EYA2: variants seen among roughly 807,000 people sequenced by gnomAD.
EYA2 encodes the protein protein phosphatase EYA2.
In EYA2, 31 loss-of-function variants were observed where a neutral mutation model predicts 69.2. That is an observed-to-expected ratio of 0.45 (90% CI 0.34 to 0.60). The LOEUF (loss-of-function observed/expected upper bound fraction) is 0.60, where lower values mean the gene tolerates loss of function less well. EYA2 is among the 20% of genes least tolerant of loss of function. EYA2 has a pLI of 0.02. For synonymous variants in EYA2, 257 were observed against 279.4 expected (o/e 0.92, Z 0.80); for missense variants, 622 against 701.2 (o/e 0.89, Z 1.28).
Position 47,117,369 on chromosome 20 carries a change from A to T in EYA2, c.888+20201A>T, listed in dbSNP as rs891999007. The T allele has an allele frequency of 5.9e-5, 58 of 985,242 alleles. No individual in the cohort carries two copies. In the South Asian group the frequency reaches 1.2e-3, roughly 20 times the overall value. 61.0% of individuals were successfully genotyped at this position (985,242 alleles called of 1,614,324 possible). On this transcript the variant is annotated intron_variant, in intron 9 of 15. Transcript: ENST00000327619. ...CTTTCACACATTCATCTGTGAGGTGAGATGGAGCCCCGAATTCACCTGGTG... is the reference window on the plus strand; with the variant it reads ...CTTTCACACATTCATCTGTGAGGTGTGATGGAGCCCCGAATTCACCTGGTG...
At chr20:47,156,175 TA>T (rs2033945292) in intron 10 of EYA2, among the ~76,000 whole-genome samples, 1 of 82,728 alleles carries the variant, frequency 1.2e-5, no homozygotes, top group East Asian at 4.5e-4. Context: ...TATATATATA[TA>T]TATATATATT....
chr20:47,124,484 A>T (rs148863243), intron 9 of EYA2, among the ~76,000 whole-genome samples: 2 of 152,324 alleles, frequency 1.3e-5, no homozygotes, highest in Admixed American at 1.3e-4. Flanking sequence ...ATAAGCAGAA[A>T]GCACGTGGTG....
At chr20:46,998,944 G>A (rs1982195905) in intron 2 of EYA2, among the ~76,000 whole-genome samples, 1 of 152,210 alleles carries the variant, frequency 6.6e-6, no homozygotes, top group South Asian at 2.1e-4. Flanking sequence ...GGGTGGGAAA[G>A]GGAGAGTATT....
chr20:46,941,033 A>G (rs1986133749), intron 1 of EYA2, among the ~76,000 whole-genome samples: 2 of 152,222 alleles, frequency 1.3e-5, no homozygotes, highest in Non-Finnish European at 2.9e-5. Flanking sequence ...GAAAGGTGCA[A>G]GAGGCCCCAT....
Position 46,927,689 on chromosome 20 carries a change from C to A in EYA2, c.-11+32702C>A, listed in dbSNP as rs192593909. Among the ~76,000 whole-genome samples the A allele has an allele frequency of 3.1e-3, 471 of 152,272 alleles. 2 individuals are homozygous for A. Among genetic ancestry groups the A allele is most frequent in the Non-Finnish European group, 2.6e-3 (176 of 68,018 alleles). On this transcript the variant is annotated intron_variant, in intron 1 of 15. Transcript: ENST00000327619. ...GATGATTCAACTATCTCCCACTGGG[C>A]CCCTCCTACAACACGTGGGAATTAT...
intron 2 of EYA2, among the ~76,000 whole-genome samples, chr20:46,991,557 C>T (rs1981660260): frequency 6.6e-6 from 1 of 152,218 alleles, no homozygotes; most frequent in Non-Finnish European, 1.5e-5. Flanking sequence ...GGGCAGCCCA[C>T]AGCCACATCT....
chr20:47,133,140 C>G (rs1306059808), intron 9 of EYA2, among the ~76,000 whole-genome samples: 2 of 152,096 alleles, frequency 1.3e-5, no homozygotes, highest in African/African-American at 4.8e-5. Context: ...TGGGATCCAG[C>G]TCCCTAAATA....
chr20:47,081,480 G>GA (rs1344076616), intron 7 of EYA2, among the ~76,000 whole-genome samples: 21 of 151,970 alleles, frequency 1.4e-4, no homozygotes, highest in African/African-American at 4.1e-4. Context: ...GGGTTGCTGT[G>GA]AAAATTGAAA....
intron 10 of EYA2, among the ~76,000 whole-genome samples, chr20:47,163,528 G>C (rs1194782917): frequency 6.6e-6 from 1 of 151,704 alleles, no homozygotes; most frequent in African/African-American, 2.4e-5. Context: ...GAGAAACCCC[G>C]TCTCTACTAA....
intron 11 of EYA2, among the ~76,000 whole-genome samples, chr20:47,171,813 C>T (rs973034128): frequency 1.3e-5 from 2 of 152,100 alleles, no homozygotes; most frequent in Non-Finnish European, 2.9e-5. Flanking sequence ...AATCTATGGC[C>T]GGGCACAGTG....
chr20:47,038,975 T>C (rs2146411502), intron 5 of EYA2, among the ~76,000 whole-genome samples: 1 of 152,252 alleles, frequency 6.6e-6, no homozygotes, highest in South Asian at 2.1e-4. Context: ...GAACTTAGCC[T>C]TTTAGGGGAT....
chr20:47,058,412 C>G (rs1195356075), intron 5 of EYA2, among the ~76,000 whole-genome samples: 2 of 152,226 alleles, frequency 1.3e-5, no homozygotes, highest in Non-Finnish European at 2.9e-5. Context: ...CCAGGTCCCA[C>G]TATATCCTGA....
intron 1 of EYA2, among the ~76,000 whole-genome samples, chr20:46,918,889 C>T (rs1423232073): frequency 2.0e-5 from 3 of 152,232 alleles, no homozygotes; most frequent in African/African-American, 7.2e-5. Context: ...GTCAAAATTA[C>T]TCCTTGATCC....
intron 1 of EYA2, among the ~76,000 whole-genome samples, chr20:46,943,469 A>T (rs771125070): frequency 1.3e-5 from 2 of 152,196 alleles, no homozygotes; most frequent in African/African-American, 4.8e-5. Context: ...TGTGAGATCA[A>T]TGAGAAATAC....
At chr20:46,975,818 G>A (rs368007731) in intron 1 of EYA2, among the ~76,000 whole-genome samples, 37 of 152,328 alleles carry the variant, frequency 2.4e-4, no homozygotes, top group African/African-American at 8.9e-4. Flanking sequence ...GGGAGGCTGA[G>A]TCAGGAGAAT....
intron 3 of EYA2, among the ~76,000 whole-genome samples, chr20:47,004,718 C>T (rs1982595712): frequency 6.6e-6 from 1 of 152,184 alleles, no homozygotes. Flanking sequence ...TTCTACGGGG[C>T]TGAACCCAGT....
intron 5 of EYA2, among the ~76,000 whole-genome samples, chr20:47,043,396 G>A (rs1167321341): frequency 6.6e-6 from 1 of 152,178 alleles, no homozygotes; most frequent in Non-Finnish European, 1.5e-5. Context: ...GGAAGGAGGT[G>A]TCAGGTGCCT....
chr20:47,104,640 T>G (rs1023142260), intron 9 of EYA2, among the ~76,000 whole-genome samples: 7 of 152,196 alleles, frequency 4.6e-5, no homozygotes, highest in Admixed American at 3.3e-4. Flanking sequence ...ACCTCATTGT[T>G]TTACCTATGA....
Position 47,153,078 on chromosome 20 carries a change from C to T in EYA2, c.978+9930C>T, listed in dbSNP as rs150147366. 9.4e-3 allele frequency among the ~76,000 whole-genome samples: 1,435 copies of T among 152,052 alleles called. 6 individuals are homozygous for T. The highest frequency in any genetic ancestry group is 0.034 in the Middle Eastern group (10 of 294). On this transcript the variant is annotated intron_variant, in intron 10 of 15. Transcript: ENST00000327619. ...TCTTGTACAAAGTGGAATTGTCCCA[C>T]CCAAATGCCCACCACACTGAGTCCC...
Sources: allele counts gnomAD v4.1 joint callset (sites outside exome capture counted in the v4.1 genomes callset), GRCh38; gene constraint gnomAD v4.1.1; transcripts MANE v1.5; gene names NCBI Gene and HGNC (gene_info 2026-07-23, HGNC 2026-07-21).